The following NPAS3 variants were observed in gnomAD, a reference collection of about 807,000 sequenced individuals.
NPAS3 encodes the protein neuronal PAS domain-containing protein 3.
NPAS3 carries 14 observed loss-of-function variants against 73.1 expected under a neutral mutation model. The observed-to-expected ratio is 0.19, with a 90% CI of 0.13 to 0.30. The LOEUF is 0.30. NPAS3 is among the 10% of genes least tolerant of loss of function. The probability of loss-of-function intolerance (pLI) is 1.00; values close to 1 mark genes in which losing one functional copy is unlikely to be tolerated. For missense variants in NPAS3, 1,096 were observed against 1,250.0 expected, an observed-to-expected ratio of 0.88 and a Z score of 1.86; for synonymous variants, 620 against 541.5, an observed-to-expected ratio of 1.14 and a Z score of -2.01.
intron 3 of NPAS3, among the ~76,000 whole-genome samples, chr14:33,316,253 T>G (rs1474487674): frequency 1.1e-4 from 16 of 152,118 alleles, no homozygotes; most frequent in Admixed American, 6.6e-4. Context: ...TTGATATGAA[T>G]GAAGTCAACA....
intron 6 of NPAS3, among the ~76,000 whole-genome samples, chr14:33,682,047 T>G (rs926231826): frequency 8.5e-5 from 13 of 152,230 alleles, no homozygotes; most frequent in Non-Finnish European, 1.6e-4. Flanking sequence ...GCAGTTTGTA[T>G]GCAATGAAAT....
chr14:33,529,007 A>AAATT (rs1219936609), intron 4 of NPAS3, among the ~76,000 whole-genome samples: 1 of 152,106 alleles, frequency 6.6e-6, no homozygotes, highest in Non-Finnish European at 1.5e-5. Context: ...GTCTGACTTC[A>AAATT]AATTTCTCCC....
At chr14:33,018,030 A>C in intron 1 of NPAS3, among the ~76,000 whole-genome samples, 1 of 149,754 alleles carries the variant, frequency 6.7e-6, no homozygotes, top group South Asian at 2.1e-4. Flanking sequence ...CAGAAAAAAC[A>C]GCAAACAAAA....
At chr14:33,602,306 C>T (rs1456575619) in intron 5 of NPAS3, among the ~76,000 whole-genome samples, 1 of 152,216 alleles carries the variant, frequency 6.6e-6, no homozygotes, top group Non-Finnish European at 1.5e-5. Flanking sequence ...TGCCTGTTTC[C>T]ATTAGCCAGA....
chr14:33,609,127 C>T (rs1237059012), intron 5 of NPAS3, among the ~76,000 whole-genome samples: 2 of 152,050 alleles, frequency 1.3e-5, no homozygotes, highest in Non-Finnish European at 2.9e-5. Context: ...CAAACTAATC[C>T]TCCTCATTCT....
chr14:32,961,537 A>C (rs2036919951), intron 1 of NPAS3, among the ~76,000 whole-genome samples: 1 of 152,140 alleles, frequency 6.6e-6, no homozygotes, highest in Non-Finnish European at 1.5e-5. Flanking sequence ...CCATATCTCC[A>C]ATTGAGGATG....
At chr14:33,106,484 G>A (rs1033105177) in intron 2 of NPAS3, among the ~76,000 whole-genome samples, 1 of 152,052 alleles carries the variant, frequency 6.6e-6, no homozygotes, top group African/African-American at 2.4e-5. Context: ...AAAATTTTTT[G>A]TGAATCAGAA....
intron 3 of NPAS3, among the ~76,000 whole-genome samples, chr14:33,342,100 G>C (rs1489844997): frequency 1.3e-5 from 2 of 152,002 alleles, no homozygotes; most frequent in Non-Finnish European, 2.9e-5. Context: ...AGAAATATTG[G>C]GTCTAACATA....
At chr14:33,108,293 A>AAGTGATTCT (rs985926088) in intron 2 of NPAS3, among the ~76,000 whole-genome samples, 3 of 150,648 alleles carry the variant, frequency 2.0e-5, no homozygotes, top group African/African-American at 7.3e-5. Flanking sequence ...TCCCGAGTTC[A>AAGTGATTCT]AGTGATTCTC....
intron 2 of NPAS3, among the ~76,000 whole-genome samples, chr14:33,199,973 T>C (rs2046552372): frequency 6.6e-6 from 1 of 152,098 alleles, no homozygotes; most frequent in South Asian, 2.1e-4. Flanking sequence ...AAGCCTTGTT[T>C]AGCATGTACA....
chr14:33,564,967 C>T (rs2055853761), intron 5 of NPAS3, among the ~76,000 whole-genome samples: 1 of 152,170 alleles, frequency 6.6e-6, no homozygotes, highest in Non-Finnish European at 1.5e-5. Flanking sequence ...CCCTCCTGCA[C>T]ATAATGAGTC....
intron 4 of NPAS3, among the ~76,000 whole-genome samples, chr14:33,436,138 G>C (rs973089136): frequency 6.6e-6 from 1 of 152,196 alleles, no homozygotes; most frequent in Non-Finnish European, 1.5e-5. Flanking sequence ...GTCATAGAAG[G>C]GGAGTGGTGG....
At chr14:33,687,447 T>C (rs945267224) in intron 6 of NPAS3, among the ~76,000 whole-genome samples, 6 of 152,122 alleles carry the variant, frequency 3.9e-5, no homozygotes, top group Non-Finnish European at 7.3e-5. Context: ...ACAAGAACAT[T>C]CATAAAACTC....
intron 4 of NPAS3, among the ~76,000 whole-genome samples, chr14:33,426,151 A>G (rs1291275331): frequency 2.0e-5 from 3 of 152,092 alleles, no homozygotes; most frequent in Non-Finnish European, 4.4e-5. Context: ...GAATGAAGAT[A>G]AGACAGGGAT....
intron 8 of NPAS3, among the ~76,000 whole-genome samples, chr14:33,775,798 G>A (rs944688054): frequency 6.6e-6 from 1 of 152,212 alleles, no homozygotes; most frequent in Admixed American, 6.5e-5. Flanking sequence ...GGAAACATGC[G>A]TTAGCCAGAA....
intron 4 of NPAS3, 87 bp downstream of exon 4, chr14:33,367,355 A>T (rs2045890365): frequency 9.4e-6 from 6 of 634,970 alleles, no homozygotes; most frequent in Non-Finnish European, 1.6e-5. Context: ...TTTTTTTTAA[A>T]TGTCAGCTGT....
intron 7 of NPAS3, among the ~76,000 whole-genome samples, chr14:33,760,459 A>G (rs1338685323): frequency 6.6e-6 from 1 of 152,240 alleles, no homozygotes; most frequent in East Asian, 1.9e-4. Flanking sequence ...GTTTGGAAGA[A>G]GTGCACAACA....
intron 7 of NPAS3, among the ~76,000 whole-genome samples, chr14:33,746,167 T>A (rs2061785075): frequency 6.9e-6 from 1 of 144,502 alleles, no homozygotes; most frequent in Non-Finnish European, 1.5e-5. Flanking sequence ...TCTTTTTTAT[T>A]TTATTTTATT....
chr14:33,204,299 A>C (rs1026198278), intron 2 of NPAS3, among the ~76,000 whole-genome samples: 11 of 152,176 alleles, frequency 7.2e-5, no homozygotes, highest in Non-Finnish European at 2.9e-5. Context: ...GGCTCTTTAT[A>C]TATGTAGTCT....
Sources: gnomAD v4.1 joint callset for allele counts (sites outside exome capture counted in the v4.1 genomes callset) on GRCh38, gnomAD v4.1.1 for gene constraint, MANE v1.5 for transcripts, NCBI Gene and HGNC (gene_info 2026-07-23, HGNC 2026-07-21) for gene names.